Variants in ATL3 observed in about 807,000 individuals in gnomAD.
ATL3 encodes the protein atlastin-3.
In ATL3, 49 loss-of-function variants were observed where a neutral mutation model predicts 69.5. That is an observed-to-expected ratio of 0.71 (90% confidence interval 0.56 to 0.89). The LOEUF (loss-of-function observed/expected upper bound fraction) is 0.89. ATL3 is among the 40% of genes least tolerant of loss of function. ATL3 has a pLI of 0.00. For missense variants in ATL3, 606 were observed against 645.7 expected, an observed-to-expected ratio of 0.94 and a Z score of 0.67; for synonymous variants, 214 against 224.1, an observed-to-expected ratio of 0.95 and a Z score of 0.40.
chr11:63,671,271 G>C lies in ATL3; in HGVS notation c.46+19C>G, dbSNP rs1247106004. ...GCGGGGGTGGCCGCGGGGCGATCCA[G>C]GGAAAATCGGCGCCTCACCTGCTCC... On this transcript the variant is annotated intron_variant, in intron 1 of 12. Coordinates refer to ENST00000398868, the MANE Select transcript of ATL3 (RefSeq NM_015459.5). 3 of 1,576,878 alleles carry C rather than the reference G, an allele frequency of 1.9e-6. No homozygotes were observed. Among genetic ancestry groups the C allele is most frequent in the Non-Finnish European group, 2.6e-6 (3 of 1,164,148 alleles).
chr11:63,645,213 C>T (rs1303231928), intron 6 of ATL3, among the ~76,000 whole-genome samples: 1 of 151,958 alleles, frequency 6.6e-6, no homozygotes, highest in Non-Finnish European at 1.5e-5. Context: ...TTGAGACCAG[C>T]CGGTCAACAT....
At chr11:63,632,526 T>C (rs990167176) in intron 11 of ATL3, 2 of 865,626 alleles carry the variant, frequency 2.3e-6, no homozygotes, top group Non-Finnish European at 4.0e-6. Context: ...CAGATTTCTT[T>C]AAAAGCTACA....
chr11:63,659,672 C>T (rs2134525556), intron 1 of ATL3, among the ~76,000 whole-genome samples: 1 of 152,058 alleles, frequency 6.6e-6, no homozygotes, highest in East Asian at 1.9e-4. Flanking sequence ...CAGTGGTTCG[C>T]CCCTGTAATC....
intron 3 of ATL3, among the ~76,000 whole-genome samples, chr11:63,657,118 G>A (rs575259637): frequency 2.0e-5 from 3 of 150,516 alleles, no homozygotes; most frequent in African/African-American, 4.9e-5. Context: ...GCTGAGGCAG[G>A]AGAATTGCTT....
At chr11:63,630,426 CAAAAA>C (rs758000337) in intron 12 of ATL3, among the ~76,000 whole-genome samples, 1 of 31,270 alleles carries the variant, frequency 3.2e-5, no homozygotes. Context: ...AAATCTGTCT[CAAAAA>C]AAAAAAAAAA....
chr11:63,670,989 G>C (rs1291530371), intron 1 of ATL3, among the ~76,000 whole-genome samples: 1 of 152,126 alleles, frequency 6.6e-6, no homozygotes, highest in Non-Finnish European at 1.5e-5. Context: ...GGGCCGCCCA[G>C]GGGCAGCTGC....
intron 1 of ATL3, among the ~76,000 whole-genome samples, chr11:63,661,762 G>C (rs1035164195): frequency 6.6e-6 from 1 of 152,008 alleles, no homozygotes; most frequent in Non-Finnish European, 1.5e-5. Flanking sequence ...GGTGGCACGT[G>C]CTTGTAATCC....
intron 10 of ATL3, among the ~76,000 whole-genome samples, chr11:63,635,240 T>C (rs1302199446): frequency 6.6e-6 from 1 of 151,922 alleles, no homozygotes; most frequent in East Asian, 1.9e-4. Flanking sequence ...TCTAACATGG[T>C]GGGTATGTTT....
At chr11:63,669,774 C>T (rs1032516549) in intron 1 of ATL3, among the ~76,000 whole-genome samples, 1 of 152,006 alleles carries the variant, frequency 6.6e-6, no homozygotes, top group African/African-American at 2.4e-5. Context: ...TGGTGAAACC[C>T]CGTTTCTACT....
chr11:63,671,422 G>C, upstream of ATL3: 3 of 1,515,504 alleles, frequency 2.0e-6, no homozygotes, highest in Non-Finnish European at 8.8e-7. Flanking sequence ...CTGGAAGCGG[G>C]AAACGGGCGG....
chr11:63,660,228 A>C (rs563114024), intron 1 of ATL3, among the ~76,000 whole-genome samples: 3 of 152,210 alleles, frequency 2.0e-5, no homozygotes, highest in Non-Finnish European at 4.4e-5. Context: ...ATCTGTTTCC[A>C]AAGGACCCAC....
At chr11:63,651,384 G>A (rs1192341175) in intron 5 of ATL3, among the ~76,000 whole-genome samples, 1 of 151,348 alleles carries the variant, frequency 6.6e-6, no homozygotes, top group Non-Finnish European at 1.5e-5. Context: ...CCAGCCTGGG[G>A]ACAAGAGCAA....
intron 1 of ATL3, among the ~76,000 whole-genome samples, chr11:63,663,426 T>C (rs1050985628): frequency 6.6e-6 from 1 of 152,238 alleles, no homozygotes; most frequent in African/African-American, 2.4e-5. Flanking sequence ...TGATAGCCAC[T>C]GTGGCTGGCT....
Position 63,644,213 on chromosome 11 carries a change from A to C in ATL3, c.667T>G (p.Tyr223Asp). The C allele has an allele frequency of 6.2e-7, 1 of 1,611,772 alleles. No individual in the cohort carries two copies. Residue 223 changes from tyrosine (Y) to aspartate (D), a missense_variant, in exon 7 of 13, where the codon TAT becomes GAT. Transcript: ENST00000398868. ...RDWSFPYEYS[Y>D]GLQGGMAFLD... Reference sequence around the variant, plus strand: ...AATGCCATTCCTCCTTGGAGTCCATAGCTATATTCATAAGGGAAACTCCAA... The same window carrying C: ...AATGCCATTCCTCCTTGGAGTCCATCGCTATATTCATAAGGGAAACTCCAA...
At chr11:63,631,538 AAAGAT>A in intron 11 of ATL3, 67 bp from the exon 12 acceptor site, 1 of 1,287,090 alleles carries the variant, frequency 7.8e-7, no homozygotes. Flanking sequence ...TAAAACATGA[AAAGAT>A]AATGAAAGGA....
At chr11:63,670,310 T>C (rs186411467) in intron 1 of ATL3, 1 of 152,290 alleles carries the variant, frequency 6.6e-6, no homozygotes, top group Non-Finnish European at 1.5e-5. Flanking sequence ...ACTCCGTAGG[T>C]TATGCTTCTT....
At chr11:63,635,973 T>C (rs911159372) in intron 9 of ATL3, among the ~76,000 whole-genome samples, 2 of 149,906 alleles carry the variant, frequency 1.3e-5, no homozygotes, top group Non-Finnish European at 3.0e-5. Context: ...AATCTTCCTT[T>C]AGTCACAGCT....
intron 6 of ATL3, 107 bp from the exon 7 acceptor site, chr11:63,644,368 G>T: frequency 4.0e-4 from 210 of 529,604 alleles, no homozygotes; most frequent in Non-Finnish European, 4.8e-4. Flanking sequence ...AGGGGGTAAA[G>T]TAGAAGGATT....
chr11:63,646,956 T>C (rs1939902385), intron 5 of ATL3, among the ~76,000 whole-genome samples: 1 of 152,138 alleles, frequency 6.6e-6, no homozygotes, highest in Non-Finnish European at 1.5e-5. Flanking sequence ...GTCCTTACAG[T>C]GTGATGCAGC....
Sources: allele counts gnomAD v4.1 joint callset (sites outside exome capture counted in the v4.1 genomes callset), GRCh38; gene constraint gnomAD v4.1.1; transcripts MANE v1.5; gene names NCBI Gene and HGNC (gene_info 2026-07-23, HGNC 2026-07-21).